The following PGC variants were observed in gnomAD, a reference collection of about 807,000 sequenced individuals.
PGC encodes the protein gastricsin.
Under a neutral mutation model 45.9 loss-of-function variants are expected in PGC, and 31 were observed. The observed-to-expected ratio is 0.67, with a 90% CI of 0.51 to 0.91. The LOEUF is 0.91. Ranked by LOEUF, PGC falls within the 40% of genes least tolerant of loss-of-function variation. The pLI, the probability that PGC is intolerant of heterozygous loss-of-function variation, is 0.00. For missense variants in PGC, 477 were observed against 493.2 expected, an observed-to-expected ratio of 0.97 and a Z score of 0.31; for synonymous variants, 192 against 201.8, an observed-to-expected ratio of 0.95 and a Z score of 0.41.
At chr6:41,741,829 G>T in intron 5 of PGC, 7 of 1,536,100 alleles carry the variant, frequency 4.6e-6, no homozygotes, top group East Asian at 2.4e-5. Flanking sequence ...TAGACCAGAA[G>T]ACTCCAGGAC....
chr6:41,743,536 T>G, intron 3 of PGC, 147 bp from the exon 4 acceptor site: 1 of 667,872 alleles, frequency 1.5e-6, no homozygotes, highest in Admixed American at 2.3e-5. Context: ...AGTCAAGGGG[T>G]GGCATTGGAA....
At chr6:41,746,499 C>A (rs1457736036) in intron 1 of PGC, among the ~76,000 whole-genome samples, 2 of 152,218 alleles carry the variant, frequency 1.3e-5, no homozygotes, top group African/African-American at 4.8e-5. Context: ...CCTTCCCAGA[C>A]TTGCTTGCTG....
chr6:41,738,215 CATATATATATGCATATATATATGTAT>C (rs1771746553), intron 7 of PGC, among the ~76,000 whole-genome samples: 2 of 13,688 alleles, frequency 1.5e-4, no homozygotes, highest in Non-Finnish European at 2.1e-4. Context: ...TATATATATG[CATATATATATGCATATATATATGTAT>C]ATATATATGC....
chr6:41,736,959 A>G lies in PGC; in HGVS notation c.1060T>C (p.Ser354Pro). Residue 354 changes from serine to proline, a missense_variant, in exon 9 of 9, where the codon TCC becomes CCC. Physicochemically the swap from Ser to Pro is moderately conservative, Grantham distance 74. Transcript: ENST00000373025. ...ATCCACAGGGGCTGGCCGTTCTGGG[A>G]GGACAGGTAGGTGGGCTCGACTCCC... ...TVGVEPTYLSSQNGQPLWILG... is the reference protein window; with the variant it reads ...TVGVEPTYLSPQNGQPLWILG... 2 of 1,614,090 alleles carry G rather than the reference A, an allele frequency of 1.2e-6. No individual in the cohort carries two copies. Among genetic ancestry groups the G allele is most frequent in the Non-Finnish European group, 1.7e-6 (2 of 1,179,986 alleles).
rs777811582 is a variant in PGC, at chr6:41,744,706, G to T, written c.162C>A (p.Tyr54Ter). The T allele has an allele frequency of 2.5e-6, 4 of 1,614,032 alleles. No individual in the cohort carries two copies. In the African/African-American group the frequency reaches 4.0e-5, roughly 16 times the overall value. ...AGGTCACGCTGAGGTCACCAAAGCG[G>T]TACTTCCAAGCAGGATCATACTTGT... ...RTHKYDPAWK[Y>*]RFGDLSVTYE... The change falls in exon 2 of 9, where the codon TAC becomes TAA. Residue 54 changes from tyrosine (Y) to a stop codon, truncating the protein, a stop_gained. Transcript: ENST00000373025. LOFTEE classifies it high-confidence loss of function. This position sits in a 1 kb window ranked among gnomAD's most constrained non-coding sequence, Gnocchi z 4.4.
intron 7 of PGC, among the ~76,000 whole-genome samples, chr6:41,738,133 C>T (rs6910111): frequency 1.1e-3 from 82 of 76,198 alleles, no homozygotes; most frequent in Admixed American, 2.0e-3. Context: ...CATATATATG[C>T]ATATATATAT....
chr6:41,738,216 ATATATATATG>A (rs1771746824), intron 7 of PGC, among the ~76,000 whole-genome samples: 2 of 33,414 alleles, frequency 6.0e-5, no homozygotes, highest in African/African-American at 1.0e-4. Flanking sequence ...ATATATATGC[ATATATATATG>A]CATATATATA....
At position 41,739,936 on chromosome 6, in the gene PGC, C is replaced by T. The variant is rs200712464; in HGVS notation, c.778G>A (p.Gly260Ser). The change falls in exon 7 of 9, where the codon GGC becomes AGC. Residue 260 changes from glycine (G) to serine (S), a missense_variant. Physicochemically the swap from Gly to Ser is moderately conservative, Grantham distance 56 (BLOSUM62 0). Transcript: ENST00000373025. Reference sequence around the variant, plus strand: ...GAACACCAGCCGGAGGCCTGGCCGCCGATGAGGAACCTGTATGGGGAGAAG... The same window carrying T: ...GAACACCAGCCGGAGGCCTGGCCGCTGATGAGGAACCTGTATGGGGAGAAG... ...WQIGIEEFLI[G>S]GQASGWCSEG... The T allele has an allele frequency of 5.1e-5, 83 of 1,613,934 alleles. No homozygotes were observed. The highest frequency in any genetic ancestry group is 3.3e-4 in the Middle Eastern group (2 of 6,048).
chr6:41,740,572 C>T lies in PGC; in HGVS notation c.686G>A (p.Gly229Asp), dbSNP rs572661097. The T allele has an allele frequency of 6.7e-5, 107 of 1,605,718 alleles. 1 individual carries two copies. The South Asian group carries it at 1.1e-3, about 17-fold the overall frequency. ...CCCCGTGTACAGGCTGCTATCCACA[C>T]CCCCAAAGACAACCGCTCCCCCGCT... ...GSSGGAVVFG[G>D]VDSSLYTGQI... Residue 229 changes from glycine (G) to aspartate (D), a missense_variant, in exon 6 of 9, where the codon GGT becomes GAT. By Grantham distance (94) the Gly-to-Asp change is moderately conservative. Transcript: ENST00000373025.
chr6:41,740,050 G>GAGGAAAGT (rs1365909038), intron 6 of PGC, 104 bp from the exon 7 acceptor site: 1 of 922,978 alleles, frequency 1.1e-6, no homozygotes, highest in East Asian at 2.6e-5. Flanking sequence ...CTACTTTCTT[G>GAGGAAAGT]AGGAAAGTGA....
intron 5 of PGC, chr6:41,741,916 G>A (rs550774132): frequency 2.7e-5 from 33 of 1,244,044 alleles, no homozygotes; most frequent in Admixed American, 9.9e-5. Flanking sequence ...GAAAACATTC[G>A]GTCAGAAGGA....
intron 7 of PGC, among the ~76,000 whole-genome samples, chr6:41,738,146 ATATATATATACATATATATG>A (rs1561879601): frequency 0.067 from 3,655 of 54,382 alleles, 126 homozygotes; most frequent in African/African-American, 0.085. Context: ...ATATATATGC[ATATATATATACATATATATG>A]CATATATATA....
intron 6 of PGC, 79 bp from the exon 7 acceptor site, chr6:41,740,025 G>A (rs1771792873): frequency 1.6e-6 from 2 of 1,285,730 alleles, no homozygotes; most frequent in Admixed American, 4.3e-5. Context: ...ACCACTGTGG[G>A]ACAAAGAGCT....
At position 41,744,492 on chromosome 6, in the gene PGC, C is replaced by A; in HGVS notation, c.233G>T (p.Ser78Ile). ...GAAGTTCTGGGGTGGAGTCCCGATG[C>A]TGATCTCACCAAAGTAGGCAGCCTG... is the stretch of plus-strand genomic sequence containing the variant. The part of the protein sequence containing the change: ...YMDAAYFGEI[S>I]IGTPPQNFLV... The change falls in exon 3 of 9, where the codon AGC becomes ATC. Residue 78 changes from serine (S) to isoleucine (I), a missense_variant. By Grantham distance (142) the Ser-to-Ile change is moderately radical. Transcript: ENST00000373025. The surrounding 1 kb of genome is among the most constrained non-coding windows in gnomAD (Gnocchi z 4.4). The A allele has an allele frequency of 1.2e-6, 2 of 1,613,796 alleles. No homozygotes were observed. Among genetic ancestry groups the A allele is most frequent in the Non-Finnish European group, 1.7e-6 (2 of 1,179,748 alleles).
intron 1 of PGC, among the ~76,000 whole-genome samples, chr6:41,746,436 T>A (rs1023324177): frequency 7.7e-4 from 118 of 152,336 alleles, no homozygotes; most frequent in African/African-American, 2.7e-3. Context: ...TTGGAACTTA[T>A]AAATCACCGT....
rs140295225 is a variant in PGC, at chr6:41,740,481, G to A, written c.767+10C>T. 42 of 1,603,466 alleles carry A rather than the reference G, an allele frequency of 2.6e-5. No homozygotes were observed. The highest frequency in any genetic ancestry group is 2.6e-4 in the South Asian group (23 of 89,682). ...AGTGCCACATCCCCAGGGCCCCACC[G>A]CAGACTCACTCTTCAATGCCAATCT... On this transcript the variant is annotated intron_variant, in intron 6 of 8. Transcript: ENST00000373025.
chr6:41,741,291 G>A (rs1426809497), intron 5 of PGC: 3 of 1,356,860 alleles, frequency 2.2e-6, no homozygotes, highest in African/African-American at 3.0e-5. Context: ...TAGTAACAGG[G>A]TGAGGTCCTT....
At chr6:41,741,603 G>A (rs781013303) in intron 5 of PGC, among the ~76,000 whole-genome samples, 2 of 152,132 alleles carry the variant, frequency 1.3e-5, no homozygotes, top group African/African-American at 2.4e-5. Context: ...CCGAGATTGC[G>A]CCACTGCACT....
rs567945338 is a variant in PGC at position 41,745,481 on chromosome 6, G to A, written c.60-673C>T. Among the ~76,000 whole-genome samples the A allele has an allele frequency of 2.3e-4, 35 of 151,120 alleles. 1 individual carries two copies. Among genetic ancestry groups the A allele is most frequent in the Middle Eastern group, 7.0e-3 (2 of 284 alleles). ...TCTTGATCTCCTGACCTCGTGACTC[G>A]CCTGCCTAGGCCTCCCAAAGTGCTG... On this transcript the variant is annotated intron_variant, in intron 1 of 8. Transcript: ENST00000373025.
Sources: gnomAD v4.1 joint callset for allele counts (sites outside exome capture counted in the v4.1 genomes callset) on GRCh38, gnomAD v4.1.1 for gene constraint, Gnocchi (gnomAD v3.1) non-coding constraint, MANE v1.5 for transcripts, NCBI Gene and HGNC (gene_info 2026-07-23, HGNC 2026-07-21) for gene names.